The following PRRT3 variants were observed in gnomAD, a reference collection of about 807,000 sequenced individuals.
PRRT3 encodes the protein proline-rich transmembrane protein 3.
PRRT3 carries 48 observed loss-of-function variants against 56.6 expected under a neutral mutation model. That is an observed-to-expected ratio of 0.85 (90% CI 0.67 to 1.08). The LOEUF is 1.08. Among genes scored for constraint, PRRT3 ranks in the 50% least tolerant of loss-of-function variants. The pLI is 0.00. For synonymous variants in PRRT3, 641 were observed against 619.1 expected, an observed-to-expected ratio of 1.04 and a Z score of -0.52; for missense variants, 1,370 against 1,353.1, an observed-to-expected ratio of 1.01 and a Z score of -0.20.
rs552867575 is a variant in PRRT3, at chr3:9,950,830, C to T, written c.-57-658G>A. Among the ~76,000 whole-genome samples, 60 of 152,194 alleles carry T rather than the reference C, an allele frequency of 3.9e-4. 1 individual carries two copies. Among genetic ancestry groups the T allele is most frequent in the Non-Finnish European group, 5.3e-4 (36 of 68,038 alleles). ...AAATGTTATTCCTAAAGGCCCACTT[C>T]AAAAATGAGAGACGTGGAGAGGGAG... On this transcript the variant is annotated intron_variant, in intron 1 of 3. Coordinates refer to ENST00000412055, the MANE Select transcript of PRRT3 (RefSeq NM_207351.5).
chr3:9,947,457 G>T lies in PRRT3; in HGVS notation c.1716C>A (p.Leu572=), dbSNP rs1405609114. 5.0e-6 allele frequency: 8 copies of T among 1,612,536 alleles called. No homozygotes were observed. The highest frequency in any genetic ancestry group is 8.5e-7 in the Non-Finnish European group (1 of 1,179,660). ...AGLPPPLQNP[L]LLGAVALVHG... is the part of the protein sequence containing the mutation. ...GCACCAGCGCCACTGCTCCCAGCAGGAGTGGGTTTTGCAGCGGTGGCGGCA... is the reference window on the plus strand; with the variant it reads ...GCACCAGCGCCACTGCTCCCAGCAGTAGTGGGTTTTGCAGCGGTGGCGGCA... The change falls in exon 4 of 4, where the codon CTC becomes CTA. Residue 572 remains leucine, a synonymous_variant. Transcript: ENST00000412055. This position sits in a 1 kb window ranked among gnomAD's most constrained non-coding sequence, Gnocchi z 9.2.
chr3:9,946,759 C>G lies in PRRT3; in HGVS notation c.2414G>C (p.Arg805Pro). 6 of 1,536,086 alleles carry G rather than the reference C, an allele frequency of 3.9e-6. No individual in the cohort carries two copies. Among genetic ancestry groups the G allele is most frequent in the Non-Finnish European group, 5.2e-6 (6 of 1,150,390 alleles). Residue 805 changes from arginine to proline, a missense_variant, in exon 4 of 4, where the codon CGG (arginine) becomes CCG (proline). Physicochemically the swap from Arg to Pro is moderately radical, Grantham distance 103. Coordinates refer to ENST00000412055, the MANE Select transcript of PRRT3 (RefSeq NM_207351.5). The surrounding 1 kb of genome is among the most constrained non-coding windows in gnomAD (Gnocchi z 4.1). ...PAPSLSELDL[R>P]PPSPINLSRS... The stretch of plus-strand genomic sequence containing the variant: ...GCTCAGGTTGATGGGCGATGGCGGC[C>G]GCAGATCCAGCTCGCTCAGCGATGG...
In PRRT3 at chr3:9,947,811, AGTGGC is replaced by A; in HGVS notation, c.1357_1361del (p.Ala453CysfsTer197). ...GGGGGCCCCAGCGTAGCGGGGGTGC[AGTGGC>A]GTTGGCTGGGGGGCTGGAGGCTGGG... On this transcript the variant is annotated frameshift_variant, in exon 4 of 4. Coordinates refer to ENST00000412055, the MANE Select transcript of PRRT3 (RefSeq NM_207351.5). LOFTEE classifies it high-confidence loss of function. The surrounding 1 kb of genome is among the most constrained non-coding windows in gnomAD (Gnocchi z 9.2). 6.9e-7 allele frequency: 1 copy of A among 1,448,928 alleles called. No individual in the cohort carries two copies. Among genetic ancestry groups the A allele is most frequent in the East Asian group, 2.6e-5 (1 of 38,920 alleles). 89.8% of individuals were successfully genotyped at this position (1,448,928 alleles called of 1,614,324 possible).
In PRRT3 at chr3:9,948,890, C is replaced by G. The variant is rs747164082; in HGVS notation, c.1039G>C (p.Asp347His). 1 of 1,593,552 alleles carries G rather than the reference C, an allele frequency of 6.3e-7. No individual in the cohort carries two copies. The highest frequency in any genetic ancestry group is 1.1e-5 in the South Asian group (1 of 89,740). ...KPERAAMNGADPISPQRVRGA... is the reference protein window; with the variant it reads ...KPERAAMNGAHPISPQRVRGA... ...CTCACCCGCTGGGGGGAGATGGGGT[C>G]TGCTCCATTCATTGCTGCTCTCTCT... Residue 347 changes from aspartate to histidine, a missense_variant, in exon 3 of 4, where the codon GAC becomes CAC. Coordinates refer to ENST00000412055, the MANE Select transcript of PRRT3 (RefSeq NM_207351.5).
Position 9,946,424 on chromosome 3 carries a change from T to G in PRRT3, c.2749A>C (p.Asn917His). The G allele has an allele frequency of 6.2e-7, 1 of 1,603,016 alleles. No homozygotes were observed. The highest frequency in any genetic ancestry group is 8.5e-7 in the Non-Finnish European group (1 of 1,174,728). Residue 917 changes from asparagine to histidine, a missense_variant, in exon 4 of 4, where the codon AAC becomes CAC. Coordinates refer to ENST00000412055, the MANE Select transcript of PRRT3 (RefSeq NM_207351.5). The surrounding 1 kb of genome is among the most constrained non-coding windows in gnomAD (Gnocchi z 4.1). ...FSRGSLKISW[N>H]PWRHGLSSVD... ...GATGACAGCCCGTGGCGCCAGGGGTTCCAACTGATCTTGAGTGAACCCCTG... is the reference window on the plus strand; with the variant it reads ...GATGACAGCCCGTGGCGCCAGGGGTGCCAACTGATCTTGAGTGAACCCCTG...
At chr3:9,950,378 C>T (rs2085604557) in intron 1 of PRRT3, among the ~76,000 whole-genome samples, 1 of 152,244 alleles carries the variant, frequency 6.6e-6, no homozygotes. Flanking sequence ...CCTGGCCTTC[C>T]AAGACCCTGG....
At position 9,946,386 on chromosome 3, in the gene PRRT3, CA is replaced by C; in HGVS notation, c.2786del (p.Leu929ArgfsTer3). The part of the protein sequence containing the change: ...WRHGLSSVDS[L>X]PLDELPSTVQ... ...CCGTGCTGGGCAACTCATCTAGGGGCAGACTGTCCACTGATGACAGCCCGTG... is the reference window on the plus strand; with the variant it reads ...CCGTGCTGGGCAACTCATCTAGGGGCGACTGTCCACTGATGACAGCCCGTG... On this transcript the variant is annotated frameshift_variant, in exon 4 of 4. Coordinates refer to ENST00000412055, the MANE Select transcript of PRRT3 (RefSeq NM_207351.5). LOFTEE classifies it low-confidence loss of function (END_TRUNC). The surrounding 1 kb of genome is among the most constrained non-coding windows in gnomAD (Gnocchi z 4.1). 1.9e-6 allele frequency: 3 copies of C among 1,608,034 alleles called. No individual in the cohort carries two copies. Among genetic ancestry groups the C allele is most frequent in the Non-Finnish European group, 2.5e-6 (3 of 1,176,560 alleles).
At chr3:9,950,971 T>A (rs538458114) in intron 1 of PRRT3, among the ~76,000 whole-genome samples, 1 of 152,262 alleles carries the variant, frequency 6.6e-6, no homozygotes, top group South Asian at 2.1e-4. Flanking sequence ...AAAATGGGGA[T>A]AATAAGCATG....
At position 9,949,341 on chromosome 3, in the gene PRRT3, C is replaced by A; in HGVS notation, c.775G>T (p.Glu259Ter). 1 of 1,614,148 alleles carries A rather than the reference C, an allele frequency of 6.2e-7. No individual in the cohort carries two copies. The highest frequency in any genetic ancestry group is 8.5e-7 in the Non-Finnish European group (1 of 1,180,032). The part of the protein sequence containing the change: ...APDVGSVPPV[E>*]VVYSQEPGAQ... ...CCTGGCTCCTGAGAGTACACCACCT[C>A]AACTGGGGGTACTGAGCCAACATCA... The change falls in exon 2 of 4, where the codon GAG becomes TAG. Residue 259 changes from glutamate (E) to a stop codon, truncating the protein, a stop_gained. Coordinates refer to ENST00000412055, the MANE Select transcript of PRRT3 (RefSeq NM_207351.5). LOFTEE classifies it high-confidence loss of function. The surrounding 1 kb of genome is among the most constrained non-coding windows in gnomAD (Gnocchi z 4.5).
chr3:9,948,593 A>C, intron 3 of PRRT3, 165 bp downstream of exon 3: 1 of 731,946 alleles, frequency 1.4e-6, no homozygotes, highest in Non-Finnish European at 2.3e-6. Flanking sequence ...CCCAGTGAGT[A>C]TGAATTTATT....
Position 9,946,513 on chromosome 3 carries a change from T to G in PRRT3, c.2660A>C (p.His887Pro). Reference protein sequence around the residue: ...DVRVRGPVPQHVVEAPDGAAA... With the variant: ...DVRVRGPVPQPVVEAPDGAAA... ...TGCCCCGTCGGGTGCTTCCACTACGTGCTGTGGGACCGGCCCGCGCACGCG... is the reference window on the plus strand; with the variant it reads ...TGCCCCGTCGGGTGCTTCCACTACGGGCTGTGGGACCGGCCCGCGCACGCG... Residue 887 changes from histidine (H) to proline (P), a missense_variant, in exon 4 of 4, where the codon CAC becomes CCC. By Grantham distance (77) the His-to-Pro change is moderately conservative (BLOSUM62 -2). Coordinates refer to ENST00000412055, the MANE Select transcript of PRRT3 (RefSeq NM_207351.5). The surrounding 1 kb of genome is among the most constrained non-coding windows in gnomAD (Gnocchi z 4.1). The G allele has an allele frequency of 6.6e-7, 1 of 1,521,572 alleles. No individual in the cohort carries two copies. The highest frequency in any genetic ancestry group is 1.2e-5 in the South Asian group (1 of 81,114). The allele number at this position is 1,521,572 out of a possible 1,614,324, so 94.3% of individuals were successfully genotyped here.
rs1448527810 is a variant in PRRT3, at chr3:9,948,586, A to G, written c.1171+172T>C. 3.4e-5 allele frequency: 24 copies of G among 707,480 alleles called. No individual in the cohort carries two copies. In the Admixed American group the frequency reaches 6.1e-4, roughly 18 times the overall value. The allele number at this position is 707,480 out of a possible 1,614,324, so 43.8% of individuals were successfully genotyped here. On this transcript the variant is annotated intron_variant, in intron 3 of 3. Coordinates refer to ENST00000412055, the MANE Select transcript of PRRT3 (RefSeq NM_207351.5). ...GCAAATGACTTCTCCCAGATTTCCC[A>G]GTGAGTATGAATTTATTATCCTAGG...
rs201933157 is a variant in PRRT3, at chr3:9,946,344, G to A, written c.2829C>T (p.Ala943=). 1,325 of 1,612,086 alleles carry A rather than the reference G, an allele frequency of 8.2e-4. 1 individual carries two copies. Among genetic ancestry groups the A allele is most frequent in the Admixed American group, 3.1e-3 (187 of 59,810 alleles). Residue 943 remains alanine (A), a synonymous_variant, in exon 4 of 4, where the codon GCC becomes GCT. Transcript: ENST00000412055. The surrounding 1 kb of genome is among the most constrained non-coding windows in gnomAD (Gnocchi z 4.1). The stretch of plus-strand genomic sequence containing the variant: ...CGGTAGAATCAGGGGCTGGGGTCGG[G>A]GCAGGCAGTAGCTGTACCGTGCTGG... ...ELPSTVQLLP[A]PTPAPDSTAA...
Position 9,947,544 on chromosome 3 carries a change from C to G in PRRT3, c.1629G>C (p.Leu543=). ...GCGCCGTAAGCAGCAAGGGGAAGGG[C>G]AGGTTGTAGAGCACCAGGCCCCCGC... ...GVRGGLVLYN[L]PFPLLLTALA... Residue 543 remains leucine, a synonymous_variant, in exon 4 of 4, where the codon CTG becomes CTC. Coordinates refer to ENST00000412055, the MANE Select transcript of PRRT3 (RefSeq NM_207351.5). The surrounding 1 kb of genome is among the most constrained non-coding windows in gnomAD (Gnocchi z 9.2). The G allele has an allele frequency of 6.2e-7, 1 of 1,611,154 alleles. No individual in the cohort carries two copies. Among genetic ancestry groups the G allele is most frequent in the Non-Finnish European group, 8.5e-7 (1 of 1,179,288 alleles).
chr3:9,946,559 A>T lies in PRRT3; in HGVS notation c.2614T>A (p.Cys872Ser). ...DAGSSLLRGRCRSLSDVRVRG... is the reference protein window; with the variant it reads ...DAGSSLLRGRSRSLSDVRVRG... ...ACGCGCACGTCGCTGAGCGACCTGC[A>T]GCGGCCGCGGAGGAGCGAGGAGCCA... The change falls in exon 4 of 4, where the codon TGC (cysteine) becomes AGC (serine). Residue 872 changes from cysteine (C) to serine (S), a missense_variant. Coordinates refer to ENST00000412055, the MANE Select transcript of PRRT3 (RefSeq NM_207351.5). This position sits in a 1 kb window ranked among gnomAD's most constrained non-coding sequence, Gnocchi z 4.1. 2 of 1,425,208 alleles carry T rather than the reference A, an allele frequency of 1.4e-6. No homozygotes were observed. The highest frequency in any genetic ancestry group is 9.2e-7 in the Non-Finnish European group (1 of 1,089,482). The allele number at this position is 1,425,208 out of a possible 1,614,324, so 88.3% of individuals were successfully genotyped here. A position where few individuals can be genotyped will look rare whatever the true frequency, so the allele number is the denominator to read the frequency against.
Position 9,948,774 on chromosome 3 carries a change from C to T in PRRT3, c.1155G>A (p.Met385Ile). ...TGCTCTCACCTGGCTGCAGGGCCCC[C>T]ATGGGGCTCTCTGTTCGGTTTACAG... ...GPAVNRTESPMGALQPDEAEE... is the reference protein window; with the variant it reads ...GPAVNRTESPIGALQPDEAEE... Residue 385 changes from methionine to isoleucine, a missense_variant, in exon 3 of 4, where the codon ATG becomes ATA. Met to Ile is a conservative substitution (Grantham distance 10). Transcript: ENST00000412055. 1 of 1,614,004 alleles carries T rather than the reference C, an allele frequency of 6.2e-7. No individual in the cohort carries two copies. Among genetic ancestry groups the T allele is most frequent in the South Asian group, 1.1e-5 (1 of 91,086 alleles).
In PRRT3 at chr3:9,945,748, G is replaced by C. The variant is rs897066757; in HGVS notation, c.*479C>G. ...ATAGAAATATTAAAAGCAAAAAACG[G>C]CATGGGGGTGGGGTGAGTTCAAACC... On this transcript the variant is annotated 3_prime_UTR_variant, in exon 4 of 4. Coordinates refer to ENST00000412055, the MANE Select transcript of PRRT3 (RefSeq NM_207351.5). 2 of 153,190 alleles carry C rather than the reference G, an allele frequency of 1.3e-5. No individual in the cohort carries two copies. The highest frequency in any genetic ancestry group is 4.8e-5 in the African/African-American group (2 of 41,296). The allele number at this position is 153,190 out of a possible 1,614,324, so 9.5% of individuals were successfully genotyped here. A position where few individuals can be genotyped will look rare whatever the true frequency, so the allele number is the denominator to read the frequency against.
In PRRT3 at chr3:9,945,856, C is replaced by T. The variant is rs1345485442; in HGVS notation, c.*371G>A. The T allele has an allele frequency of 1.2e-5, 1 of 85,028 alleles. No individual in the cohort carries two copies. The highest frequency in any genetic ancestry group is 2.1e-5 in the Non-Finnish European group (1 of 47,162). The allele number at this position is 85,028 out of a possible 1,614,324, so 5.3% of individuals were successfully genotyped here. On this transcript the variant is annotated 3_prime_UTR_variant, in exon 4 of 4. Coordinates refer to ENST00000412055, the MANE Select transcript of PRRT3 (RefSeq NM_207351.5). ...TTTTTTTTTTTTTTTTTTTTTGAGA[C>T]GGAGTCTCACTCTTGTCACCCAGGC...
Position 9,949,777 on chromosome 3 carries a change from A to G in PRRT3, c.339T>C (p.Thr113=), listed in dbSNP as rs1244544386. ...QGAQRERLPV[T]DDLQMAQGPS... is the part of the protein sequence containing the mutation. ...GTCCTTGAGCCATCTGGAGGTCATC[A>G]GTTACTGGGAGTCGTTCTCTCTGAG... The change falls in exon 2 of 4, where the codon ACT becomes ACC. Residue 113 remains threonine (T), a synonymous_variant. Coordinates refer to ENST00000412055, the MANE Select transcript of PRRT3 (RefSeq NM_207351.5). The surrounding 1 kb of genome is among the most constrained non-coding windows in gnomAD (Gnocchi z 4.5). The G allele has an allele frequency of 6.2e-7, 1 of 1,613,974 alleles. No homozygotes were observed. The highest frequency in any genetic ancestry group is 8.5e-7 in the Non-Finnish European group (1 of 1,180,016).
Sources: allele counts gnomAD v4.1 joint callset (sites outside exome capture counted in the v4.1 genomes callset), GRCh38; gene constraint gnomAD v4.1.1; non-coding constraint Gnocchi (gnomAD v3.1); transcripts MANE v1.5; gene names NCBI Gene and HGNC (gene_info 2026-07-23, HGNC 2026-07-21).